DSCAM: variants seen among roughly 807,000 people sequenced by gnomAD.
DSCAM encodes cell adhesion molecule DSCAM.
A neutral mutation model predicts 217.7 loss-of-function variants in DSCAM; 47 were observed. The ratio of observed to expected loss-of-function variants is 0.22; its 90% CI spans 0.17 to 0.28. DSCAM has a LOEUF of 0.28. DSCAM is among the 10% of genes least tolerant of loss of function. The pLI is 1.00. For missense variants in DSCAM, 2,080 were observed against 2,618.3 expected (o/e 0.79, Z 4.49); for synonymous variants, 1,056 against 1,015.3 (o/e 1.04, Z -0.76).
At chr21:40,402,019 A>G (rs1473487771) in intron 3 of DSCAM, among the ~76,000 whole-genome samples, 1 of 149,688 alleles carries the variant, frequency 6.7e-6, no homozygotes, top group Non-Finnish European at 1.5e-5. Context: ...CTAAATGGTC[A>G]AGTAAAATTT....
At chr21:40,178,836 G>A (rs1163659739) in intron 15 of DSCAM, 91 bp downstream of exon 15, 7 of 1,533,194 alleles carry the variant, frequency 4.6e-6, no homozygotes, top group South Asian at 1.2e-5. Context: ...CCTAGCACGG[G>A]CAAAGGTCTG....
intron 11 of DSCAM, among the ~76,000 whole-genome samples, chr21:40,255,795 C>A (rs1007034542): frequency 2.0e-5 from 3 of 152,192 alleles, no homozygotes; most frequent in African/African-American, 7.2e-5. Context: ...CAACCCCTAG[C>A]TGACAGCTGG....
intron 3 of DSCAM, among the ~76,000 whole-genome samples, chr21:40,472,305 C>T (rs771968288): frequency 6.6e-6 from 1 of 152,146 alleles, no homozygotes; most frequent in Non-Finnish European, 1.5e-5. Context: ...TTTTAAAATA[C>T]GTGTTCTGAA....
intron 27 of DSCAM, among the ~76,000 whole-genome samples, chr21:40,064,677 G>A (rs566063127): frequency 2.1e-4 from 32 of 152,284 alleles, no homozygotes; most frequent in Admixed American, 1.6e-3. Flanking sequence ...CCATGAATGG[G>A]CAGTGTGCTC....
chr21:40,711,369 G>T (rs143374652), intron 1 of DSCAM, among the ~76,000 whole-genome samples: 22 of 152,294 alleles, frequency 1.4e-4, no homozygotes, highest in Non-Finnish European at 3.1e-4. Flanking sequence ...AAGAGATGAA[G>T]AAATTAACAC....
intron 1 of DSCAM, among the ~76,000 whole-genome samples, chr21:40,719,146 A>G (rs1259882113): frequency 6.6e-6 from 1 of 152,050 alleles, no homozygotes; most frequent in Non-Finnish European, 1.5e-5. Context: ...ACACACACAC[A>G]AGGTGTGAAC....
chr21:40,794,212 T>C (rs764311490), intron 1 of DSCAM, among the ~76,000 whole-genome samples: 27 of 152,212 alleles, frequency 1.8e-4, no homozygotes, highest in Non-Finnish European at 3.1e-4. Context: ...AAGTTTCTAA[T>C]TGAAACAATT....
At chr21:40,557,824 C>A (rs192831204) in intron 3 of DSCAM, among the ~76,000 whole-genome samples, 1 of 152,160 alleles carries the variant, frequency 6.6e-6, no homozygotes, top group African/African-American at 2.4e-5. Flanking sequence ...GTTATAGCAA[C>A]ACAAAATGAA....
At chr21:40,111,227 C>T (rs1307385563) in intron 20 of DSCAM, among the ~76,000 whole-genome samples, 4 of 152,334 alleles carry the variant, frequency 2.6e-5, no homozygotes, top group South Asian at 2.1e-4. Context: ...TCAGCAGAAA[C>T]TCTACAAGCC....
intron 1 of DSCAM, among the ~76,000 whole-genome samples, chr21:40,805,064 T>A (rs534037693): frequency 6.6e-6 from 1 of 152,224 alleles, no homozygotes; most frequent in Non-Finnish European, 1.5e-5. Flanking sequence ...TCCCCCCAAC[T>A]CCTAGGGAGC....
At chr21:40,497,121 C>G (rs7281728) in intron 3 of DSCAM, among the ~76,000 whole-genome samples, 13,505 of 152,204 alleles carry the variant, frequency 0.089, 703 homozygotes, top group Middle Eastern at 0.16. Flanking sequence ...ACCATATTAT[C>G]CAGTAATTCC....
chr21:40,218,313 C>A (rs998693878), intron 11 of DSCAM, among the ~76,000 whole-genome samples: 3 of 152,040 alleles, frequency 2.0e-5, no homozygotes, highest in Non-Finnish European at 4.4e-5. Context: ...AGATGTGTGA[C>A]CTTATTTCTG....
intron 1 of DSCAM, among the ~76,000 whole-genome samples, chr21:40,802,993 C>T (rs768097788): frequency 6.6e-6 from 1 of 152,186 alleles, no homozygotes; most frequent in East Asian, 1.9e-4. Flanking sequence ...AATTCCTTTC[C>T]TTATGGCAGC....
chr21:40,605,676 C>T (rs931088418), intron 3 of DSCAM, among the ~76,000 whole-genome samples: 6 of 151,692 alleles, frequency 4.0e-5, no homozygotes, highest in East Asian at 3.9e-4. Context: ...CTGCTCTATA[C>T]AGGCTACAGA....
intron 3 of DSCAM, among the ~76,000 whole-genome samples, chr21:40,540,341 A>G (rs886243870): frequency 6.6e-6 from 1 of 152,134 alleles, no homozygotes; most frequent in African/African-American, 2.4e-5. Flanking sequence ...GATAGAACCA[A>G]TTCCTCTCTC....
At chr21:40,601,221 G>GTAAAT (rs2077059484) in intron 3 of DSCAM, among the ~76,000 whole-genome samples, 1 of 152,124 alleles carries the variant, frequency 6.6e-6, no homozygotes, top group South Asian at 2.1e-4. Context: ...TTTTCTTCAT[G>GTAAAT]TAAATACTGT....
chr21:40,323,547 G>T (rs969102125), intron 8 of DSCAM, among the ~76,000 whole-genome samples: 1 of 152,156 alleles, frequency 6.6e-6, no homozygotes. Context: ...AAGGGAAAAC[G>T]TTTAAAAGGT....
rs184698409 is a variant in DSCAM at position 40,461,908 on chromosome 21, C to A, written c.509-92663G>T. ...CTGCTCTAGAGCCCCCAGAAAGGGA[C>A]CTAGCTCTGCCAACACCTTAATTTT... is the stretch of plus-strand genomic sequence containing the variant. On this transcript the variant is annotated intron_variant, in intron 3 of 32. Coordinates refer to ENST00000400454, the MANE Select transcript of DSCAM (RefSeq NM_001389.5). Among the ~76,000 whole-genome samples, 167 of 152,278 alleles carry A rather than the reference C, an allele frequency of 1.1e-3. 1 individual carries two copies. The highest frequency in any genetic ancestry group is 1.8e-3 in the Non-Finnish European group (120 of 68,022).
At chr21:40,481,107 A>G (rs1206144140) in intron 3 of DSCAM, among the ~76,000 whole-genome samples, 1 of 152,164 alleles carries the variant, frequency 6.6e-6, no homozygotes, top group South Asian at 2.1e-4. Context: ...TTGGGCATAC[A>G]CTTTTTAAAA....
Sources: gnomAD v4.1 joint callset for allele counts (sites outside exome capture counted in the v4.1 genomes callset) on GRCh38, gnomAD v4.1.1 for gene constraint, MANE v1.5 for transcripts, NCBI Gene and HGNC (gene_info 2026-07-23, HGNC 2026-07-21) for gene names.